Variants in NAALADL2 observed in about 807,000 individuals in gnomAD.
NAALADL2 encodes the protein inactive N-acetylated-alpha-linked acidic dipeptidase-like protein 2.
Under a neutral mutation model 87.2 loss-of-function variants are expected in NAALADL2, and 76 were observed. The observed-to-expected ratio is 0.87, with a 90% CI of 0.72 to 1.05. The LOEUF is 1.05. Ranked by LOEUF, NAALADL2 falls within the 50% of genes least tolerant of loss-of-function variation. NAALADL2 has a pLI of 0.00. For synonymous variants in NAALADL2, 354 were observed against 331.0 expected (o/e 1.07, Z -0.75); for missense variants, 1,089 against 945.8 (o/e 1.15, Z -1.99).
intron 11 of NAALADL2, among the ~76,000 whole-genome samples, chr3:175,657,037 A>G (rs1731566182): frequency 6.6e-6 from 1 of 152,174 alleles, no homozygotes; most frequent in Non-Finnish European, 1.5e-5. Flanking sequence ...ACTTACATAT[A>G]AGAAAACTAA....
At chr3:174,704,384 C>T (rs188900729) in intron 2 of NAALADL2, among the ~76,000 whole-genome samples, 7 of 151,830 alleles carry the variant, frequency 4.6e-5, no homozygotes, top group African/African-American at 1.2e-4. Context: ...AATGTTCACT[C>T]GAAGAAAGAA....
At chr3:174,929,478 T>A (rs907164582) in intron 1 of NAALADL2, among the ~76,000 whole-genome samples, 34 of 152,204 alleles carry the variant, frequency 2.2e-4, no homozygotes, top group African/African-American at 8.2e-4. Context: ...ATGAAAGAAT[T>A]GTATGGCCTT....
intron 1 of NAALADL2, among the ~76,000 whole-genome samples, chr3:174,978,858 G>C (rs1744723349): frequency 6.6e-6 from 1 of 152,160 alleles, no homozygotes; most frequent in African/African-American, 2.4e-5. Context: ...GGAGGCACTT[G>C]TGTTTAATGT....
intron 5 of NAALADL2, among the ~76,000 whole-genome samples, chr3:175,391,351 C>A (rs184601861): frequency 6.6e-6 from 1 of 152,168 alleles, no homozygotes; most frequent in Admixed American, 6.5e-5. Context: ...TGTAGGATGT[C>A]ACTTTCAATA....
At chr3:174,697,682 A>G (rs1330550109) in intron 2 of NAALADL2, among the ~76,000 whole-genome samples, 2 of 152,216 alleles carry the variant, frequency 1.3e-5, no homozygotes, top group Admixed American at 6.5e-5. Flanking sequence ...CTTAAATACA[A>G]TGCATCATGG....
chr3:174,544,547 G>A (rs1288392168), intron 1 of NAALADL2, among the ~76,000 whole-genome samples: 1 of 132,092 alleles, frequency 7.6e-6, no homozygotes, highest in Non-Finnish European at 1.7e-5. Context: ...AATTTTCTTT[G>A]TTTCCTTTTT....
intron 2 of NAALADL2, among the ~76,000 whole-genome samples, chr3:174,687,872 T>C (rs902165468): frequency 6.6e-6 from 1 of 151,968 alleles, no homozygotes; most frequent in Non-Finnish European, 1.5e-5. Flanking sequence ...TAATGGGAAG[T>C]TCCCCTGCAC....
chr3:175,072,237 A>T (rs1231666586), intron 1 of NAALADL2, among the ~76,000 whole-genome samples: 2 of 152,106 alleles, frequency 1.3e-5, no homozygotes, highest in Non-Finnish European at 2.9e-5. Context: ...TCACATGTTT[A>T]TCCTGCCATA....
At chr3:174,712,678 G>C (rs932190629) in intron 2 of NAALADL2, among the ~76,000 whole-genome samples, 1 of 151,896 alleles carries the variant, frequency 6.6e-6, no homozygotes, top group African/African-American at 2.4e-5. Context: ...CAGCTACCGC[G>C]CTCGGCCTCA....
intron 11 of NAALADL2, among the ~76,000 whole-genome samples, chr3:175,661,441 T>C (rs1462851108): frequency 1.3e-5 from 2 of 152,056 alleles, no homozygotes; most frequent in Non-Finnish European, 2.9e-5. Context: ...AAATATTTTC[T>C]CCCATTCTGT....
chr3:174,813,504 T>G (rs1720449674), intron 3 of NAALADL2, among the ~76,000 whole-genome samples: 1 of 152,218 alleles, frequency 6.6e-6, no homozygotes, highest in Admixed American at 6.5e-5. Context: ...CTAGGAACAG[T>G]AGGTTATACC....
intron 5 of NAALADL2, among the ~76,000 whole-genome samples, chr3:175,349,763 T>C (rs554420456): frequency 1.2e-4 from 19 of 152,280 alleles, no homozygotes; most frequent in South Asian, 1.0e-3. Context: ...ATAGTAGCCA[T>C]ATACCCCCGT....
intron 2 of NAALADL2, among the ~76,000 whole-genome samples, chr3:174,559,486 G>A (rs1713311541): frequency 6.6e-6 from 1 of 152,158 alleles, no homozygotes; most frequent in Non-Finnish European, 1.5e-5. Flanking sequence ...AAGTCAGCAT[G>A]GCAGATTATC....
At chr3:175,480,337 C>A (rs1306807236) in intron 9 of NAALADL2, among the ~76,000 whole-genome samples, 2 of 151,726 alleles carry the variant, frequency 1.3e-5, no homozygotes, top group East Asian at 3.9e-4. Flanking sequence ...ATAAACATAG[C>A]GCATTGTTGT....
chr3:175,666,925 ACTT>A (rs1733079038), intron 11 of NAALADL2, among the ~76,000 whole-genome samples: 1 of 152,008 alleles, frequency 6.6e-6, no homozygotes, highest in Non-Finnish European at 1.5e-5. Context: ...TAATTAATCT[ACTT>A]CTTCCTGGGA....
chr3:175,496,010 G>C (rs989249113), intron 9 of NAALADL2, among the ~76,000 whole-genome samples: 2 of 151,962 alleles, frequency 1.3e-5, no homozygotes, highest in Admixed American at 6.6e-5. Context: ...ATTTATTCAA[G>C]TGCCATCTAC....
At chr3:175,406,667 CT>C (rs1398298128) in intron 5 of NAALADL2, among the ~76,000 whole-genome samples, 2 of 152,068 alleles carry the variant, frequency 1.3e-5, no homozygotes, top group African/African-American at 4.8e-5. Context: ...AATGGTGGGA[CT>C]GTACTCCATT....
chr3:174,860,689 T>C (rs916876712), intron 1 of NAALADL2, among the ~76,000 whole-genome samples: 1 of 152,102 alleles, frequency 6.6e-6, no homozygotes, highest in African/African-American at 2.4e-5. Flanking sequence ...CACCTGTCTG[T>C]ATTCAGCGAT....
intron 11 of NAALADL2, among the ~76,000 whole-genome samples, chr3:175,715,732 C>T (rs892728258): frequency 9.2e-5 from 14 of 152,016 alleles, no homozygotes; most frequent in East Asian, 7.8e-4. Context: ...AAAAATTAGC[C>T]AGGCATAGTG....
Sources: gnomAD v4.1 joint callset for allele counts (sites outside exome capture counted in the v4.1 genomes callset) on GRCh38, gnomAD v4.1.1 for gene constraint, MANE v1.5 for transcripts, NCBI Gene and HGNC (gene_info 2026-07-23, HGNC 2026-07-21) for gene names.